ZC3H12B: variants seen among roughly 807,000 people sequenced by gnomAD.
ZC3H12B encodes probable ribonuclease ZC3H12B.
A neutral mutation model predicts 43.9 loss-of-function variants in ZC3H12B; 7 were observed. That is an observed-to-expected ratio of 0.16 (90% CI 0.09 to 0.30). ZC3H12B has a LOEUF of 0.30. ZC3H12B is among the 10% of genes least tolerant of loss of function. The probability of loss-of-function intolerance (pLI) is 1.00; values close to 1 mark genes in which losing one functional copy is unlikely to be tolerated. For missense variants in ZC3H12B, 475 were observed against 670.2 expected, an observed-to-expected ratio of 0.71 and a Z score of 3.22; for synonymous variants, 222 against 241.7, an observed-to-expected ratio of 0.92 and a Z score of 0.76.
At chrX:65,159,751 T>C in the ZC3H12B span, among the ~76,000 whole-genome samples, 2 of 111,968 alleles carry the variant, frequency 1.8e-5, no homozygotes, top group Non-Finnish European at 3.8e-5. Context: ...GAATAACCTT[T>C]ATTTCCTTCT....
the ZC3H12B span, among the ~76,000 whole-genome samples, chrX:65,180,629 C>T: frequency 9.0e-6 from 1 of 111,190 alleles, no homozygotes; most frequent in Non-Finnish European, 1.9e-5. Flanking sequence ...AATAGACAAA[C>T]AGAGAGCCAA....
upstream of ZC3H12B, among the ~76,000 whole-genome samples, chrX:65,365,726 A>T (rs1312173864): frequency 1.1e-4 from 12 of 111,168 alleles, no homozygotes; most frequent in African/African-American, 3.9e-4. Flanking sequence ...ATACATCCAG[A>T]TGGCCTGTTC....
At chrX:65,461,235 G>C (rs1252438950) in intron 3 of ZC3H12B, among the ~76,000 whole-genome samples, 2 of 112,011 alleles carry the variant, frequency 1.8e-5, no homozygotes, top group African/African-American at 6.5e-5. Flanking sequence ...TGGAGAAATA[G>C]GAACACTTTT....
chrX:65,433,757 C>A (rs1291566603), intron 3 of ZC3H12B, among the ~76,000 whole-genome samples: 2 of 111,684 alleles, frequency 1.8e-5, no homozygotes, highest in African/African-American at 6.5e-5. Context: ...GGGAGAAAGA[C>A]TAAAGGTATA....
the ZC3H12B span, among the ~76,000 whole-genome samples, chrX:65,182,460 C>A: frequency 2.7e-5 from 3 of 110,904 alleles, no homozygotes; most frequent in African/African-American, 9.8e-5. Context: ...AATGGCGGTG[C>A]TTGTCCAAGG....
At chrX:65,294,099 G>A in the ZC3H12B span, among the ~76,000 whole-genome samples, 1 of 111,382 alleles carries the variant, frequency 9.0e-6, no homozygotes, top group Non-Finnish European at 1.9e-5. Context: ...TAAGAGCCCT[G>A]AGGTGAAAGC....
chrX:65,164,285 G>T, the ZC3H12B span, among the ~76,000 whole-genome samples: 4 of 111,226 alleles, frequency 3.6e-5, no homozygotes, highest in Non-Finnish European at 7.5e-5. Context: ...TCAGTTACTG[G>T]GTGTGGGTTA....
chrX:65,405,336 T>C (rs1465670536), intron 3 of ZC3H12B, among the ~76,000 whole-genome samples: 1 of 112,620 alleles, frequency 8.9e-6, no homozygotes, highest in African/African-American at 3.2e-5. Context: ...AAAGAACTAA[T>C]AGGCTGGGTG....
At chrX:65,087,662 G>A in the ZC3H12B span, among the ~76,000 whole-genome samples, 1 of 111,744 alleles carries the variant, frequency 8.9e-6, no homozygotes, top group Non-Finnish European at 1.9e-5. Context: ...GACTTTGGAA[G>A]TGATCCATTA....
rs544648943 is a variant in ZC3H12B at position 65,446,147 on chromosome X, G to C, written n.408-42499G>C. On this transcript the variant is annotated intron_variant and non_coding_transcript_variant, in intron 3 of 5. Transcript: ENST00000617377. ...GATTGTGTCTAGCAATGTCATGTGG[G>C]AACTGGGGCCTGGAATGGGGGCCTG... Among the ~76,000 whole-genome samples the C allele has an allele frequency of 2.7e-5, 3 of 112,052 alleles. No individual in the cohort carries two copies. In the South Asian group the frequency reaches 1.1e-3, roughly 42 times the overall value.
the ZC3H12B span, among the ~76,000 whole-genome samples, chrX:65,246,423 A>G: frequency 2.7e-5 from 3 of 112,191 alleles, no homozygotes; most frequent in African/African-American, 9.7e-5. Flanking sequence ...TAAAATTCAT[A>G]TGAAACCAAA....
At chrX:65,325,893 A>G in the ZC3H12B span, among the ~76,000 whole-genome samples, 1 of 111,882 alleles carries the variant, frequency 8.9e-6, no homozygotes, top group Non-Finnish European at 1.9e-5. Context: ...ATAAATAAAT[A>G]AACACACACA....
chrX:65,064,227 C>A, the ZC3H12B span, among the ~76,000 whole-genome samples: 4 of 111,409 alleles, frequency 3.6e-5, no homozygotes, highest in Non-Finnish European at 7.5e-5. Flanking sequence ...TTCTCTAGTT[C>A]TTTTAATTGT....
the ZC3H12B span, among the ~76,000 whole-genome samples, chrX:65,288,762 A>G: frequency 9.0e-6 from 1 of 111,607 alleles, no homozygotes; most frequent in Non-Finnish European, 1.9e-5. Context: ...AGGCAAGGGA[A>G]AAAAGTAAAA....
the ZC3H12B span, among the ~76,000 whole-genome samples, chrX:65,227,180 G>A: frequency 1.7e-4 from 19 of 111,637 alleles, no homozygotes; most frequent in African/African-American, 5.5e-4. Context: ...ATAACAAAGT[G>A]TCTCTCAGAC....
the ZC3H12B span, among the ~76,000 whole-genome samples, chrX:65,239,946 T>C: frequency 0.013 from 1,433 of 111,747 alleles, 12 homozygotes; most frequent in Non-Finnish European, 0.022. Context: ...AGAGCTCTGC[T>C]GTTATTCTGA....
chrX:65,078,923 T>C, the ZC3H12B span, among the ~76,000 whole-genome samples: 1 of 110,938 alleles, frequency 9.0e-6, no homozygotes, highest in African/African-American at 3.3e-5. Flanking sequence ...TAAATTATTA[T>C]TCATTATAGT....
chrX:65,149,691 G>A, the ZC3H12B span, among the ~76,000 whole-genome samples: 4 of 105,283 alleles, frequency 3.8e-5, no homozygotes, highest in Non-Finnish European at 7.8e-5. Context: ...GTGAACCCTG[G>A]AGGCGAAGTT....
chrX:65,473,655 G>T (rs2067956314), intron 3 of ZC3H12B, among the ~76,000 whole-genome samples: 1 of 111,778 alleles, frequency 8.9e-6, no homozygotes, highest in Non-Finnish European at 1.9e-5. Context: ...CTTCCTTTCT[G>T]ACTGGGATGC....
Sources: gnomAD v4.1 joint callset for allele counts (sites outside exome capture counted in the v4.1 genomes callset) on GRCh38, gnomAD v4.1.1 for gene constraint, MANE v1.5 for transcripts, NCBI Gene and HGNC (gene_info 2026-07-23, HGNC 2026-07-21) for gene names.